SPATA2L: variants seen among roughly 807,000 people sequenced by gnomAD.
SPATA2L encodes the protein spermatogenesis-associated protein 2-like protein.
Under a neutral mutation model 8.7 loss-of-function variants are expected in SPATA2L, and 5 were observed. The ratio of observed to expected loss-of-function variants is 0.57; its 90% confidence interval spans 0.30 to 1.21. The LOEUF is 1.21. Ranked by LOEUF, SPATA2L falls within the 50% of genes most tolerant of loss-of-function variation. The pLI, the probability that SPATA2L is intolerant of heterozygous loss-of-function variation, is 0.07. For synonymous variants in SPATA2L, 358 were observed against 275.8 expected (o/e 1.30, Z -2.95); for missense variants, 671 against 591.0 (o/e 1.14, Z -1.40).
Position 89,696,571 on chromosome 16 carries a change from C to T in SPATA2L, c.*763G>A. On this transcript the variant is annotated 3_prime_UTR_variant, in exon 3 of 3. Coordinates refer to ENST00000289805, the MANE Select transcript of SPATA2L (RefSeq NM_152339.4). ...CACCTCCTCGCCAGCCTGTGGGCTG[C>T]ACCCACAGGGAATGGAGGGGAGGGG... The T allele has an allele frequency of 2.0e-6, 1 of 498,230 alleles. No individual in the cohort carries two copies. Among genetic ancestry groups the T allele is most frequent in the Non-Finnish European group, 3.5e-6 (1 of 281,832 alleles). 30.9% of individuals were successfully genotyped at this position (498,230 alleles called of 1,614,324 possible). A position where few individuals can be genotyped will look rare whatever the true frequency, so the allele number is the denominator to read the frequency against.
At position 89,697,711 on chromosome 16, in the gene SPATA2L, G is replaced by T. The variant is rs1183881115; in HGVS notation, c.898C>A (p.Leu300Met). The T allele has an allele frequency of 1.2e-6, 2 of 1,611,648 alleles. No individual in the cohort carries two copies. The highest frequency in any genetic ancestry group is 3.3e-5 in the Admixed American group (2 of 59,844). ...GAGAAGGCGGAAGGTTCAGGTTCCA[G>T]CCCCTCCTCCAAGGCCCCATATGGT... ...SPPYGALEEG[L>M]EPEPSAFSFL... The change falls in exon 3 of 3, where the codon CTG (leucine) becomes ATG (methionine). Residue 300 changes from leucine (L) to methionine (M), a missense_variant. Physicochemically the swap from Leu to Met is conservative, Grantham distance 15. Transcript: ENST00000289805.
At chr16:89,699,991 G>A (rs888139355) in intron 2 of SPATA2L, among the ~76,000 whole-genome samples, 2 of 152,220 alleles carry the variant, frequency 1.3e-5, no homozygotes, top group Non-Finnish European at 2.9e-5. Flanking sequence ...CGTGTGGAGC[G>A]CCCAGTGCCT....
intron 2 of SPATA2L, 73 bp downstream of exon 2, chr16:89,700,857 G>C (rs942048542): frequency 7.3e-7 from 1 of 1,371,232 alleles, no homozygotes; most frequent in Non-Finnish European, 9.5e-7. Context: ...GAAAGGCGTG[G>C]TCCCCCATGG....
In SPATA2L at chr16:89,697,366, G is replaced by C. The variant is rs1202448415; in HGVS notation, c.1243C>G (p.Leu415Val). The change falls in exon 3 of 3, where the codon CTG (leucine) becomes GTG (valine). Residue 415 changes from leucine to valine, a missense_variant. Leu to Val is a conservative substitution (Grantham distance 32, BLOSUM62 1). Transcript: ENST00000289805. ...CGGGCCCCGGGGCTGTTGTAGAGCA[G>C]AGTGTCCATCTGTGCACGCTGTAGC... The part of the protein sequence containing the change: ...LWLQRAQMDT[L>V]LYNSPGARP 1 of 1,552,676 alleles carries C rather than the reference G, an allele frequency of 6.4e-7. No homozygotes were observed. The highest frequency in any genetic ancestry group is 2.3e-5 in the East Asian group (1 of 44,012).
At position 89,701,200 on chromosome 16, in the gene SPATA2L, GCGGT is replaced by G; in HGVS notation, c.29_32del (p.Tyr10SerfsTer101). The G allele has an allele frequency of 6.8e-7, 1 of 1,465,176 alleles. No homozygotes were observed. The highest frequency in any genetic ancestry group is 9.0e-7 in the Non-Finnish European group (1 of 1,108,918). 90.8% of individuals were successfully genotyped at this position (1,465,176 alleles called of 1,614,324 possible). On this transcript the variant is annotated frameshift_variant, in exon 2 of 3. Transcript: ENST00000289805. LOFTEE classifies it high-confidence loss of function. ...GTCGCAGCTCGCGCTCCAGGCACTG[GCGGT>G]AGTCCTCGGACAGCGAGCTGCTGCC... is the stretch of plus-strand genomic sequence containing the variant.
In SPATA2L at chr16:89,697,185, C is replaced by T; in HGVS notation, c.*149G>A. The T allele has an allele frequency of 7.3e-7, 1 of 1,376,758 alleles. No homozygotes were observed. Among genetic ancestry groups the T allele is most frequent in the Middle Eastern group, 2.7e-4 (1 of 3,710 alleles). The allele number at this position is 1,376,758 out of a possible 1,614,324, so 85.3% of individuals were successfully genotyped here. A position where few individuals can be genotyped will look rare whatever the true frequency, so the allele number is the denominator to read the frequency against. On this transcript the variant is annotated 3_prime_UTR_variant, in exon 3 of 3. Coordinates refer to ENST00000289805, the MANE Select transcript of SPATA2L (RefSeq NM_152339.4). ...TTCCATATACAGAGAGTCCCACCTC[C>T]AGCAAGGGTTGGCCTGGACTCTCCA...
intron 2 of SPATA2L, 117 bp from the exon 3 acceptor site, chr16:89,698,422 A>C: frequency 9.3e-7 from 1 of 1,075,980 alleles, no homozygotes; most frequent in Non-Finnish European, 1.3e-6. Context: ...CTCAGACCCA[A>C]CCCCAGAGAC....
rs142560643 is a variant in SPATA2L, at chr16:89,698,257, C to T, written c.352G>A (p.Asp118Asn). The T allele has an allele frequency of 7.5e-6, 12 of 1,602,730 alleles. No homozygotes were observed. The African/African-American group carries it at 8.0e-5, about 11-fold the overall frequency. ...VHVLKGVLSD[D>N]LLLKSFQKMG... ...TTCTGGAAGCTCTTCAGGAGGAGGT[C>T]GTCTGAGAGCACACCCTTCAGCACG... Residue 118 changes from aspartate to asparagine, a missense_variant, in exon 3 of 3, where the codon GAC becomes AAC. Transcript: ENST00000289805.
In SPATA2L at chr16:89,697,240, G is replaced by T. The variant is rs759487462; in HGVS notation, c.*94C>A. 33 of 1,412,442 alleles carry T rather than the reference G, an allele frequency of 2.3e-5. No homozygotes were observed. The highest frequency in any genetic ancestry group is 5.9e-5 in the Admixed American group (2 of 33,942). The allele number at this position is 1,412,442 out of a possible 1,614,324, so 87.5% of individuals were successfully genotyped here. On this transcript the variant is annotated 3_prime_UTR_variant, in exon 3 of 3. Transcript: ENST00000289805. The stretch of plus-strand genomic sequence containing the variant: ...CCTGCTGTGCCCAGGACTCCCCCAG[G>T]GACAAGGCAACCAGAGGCCCAGACC...
Position 89,697,805 on chromosome 16 carries a change from G to T in SPATA2L, c.804C>A (p.Ala268=). The T allele has an allele frequency of 6.2e-7, 1 of 1,602,070 alleles. No individual in the cohort carries two copies. The stretch of plus-strand genomic sequence containing the variant: ...CCCGGCCCCCAGTGCCCCACAGTTT[G>T]GCACTCTGCTCCCAGAGTGGTGGCC... The part of the protein sequence containing the change: ...AYRPPLWEQS[A]KLWGTGGRAW... Residue 268 remains alanine (A), a synonymous_variant, in exon 3 of 3, where the codon GCC becomes GCA. Coordinates refer to ENST00000289805, the MANE Select transcript of SPATA2L (RefSeq NM_152339.4).
At position 89,701,068 on chromosome 16, in the gene SPATA2L, A is replaced by C. The variant is rs747184734; in HGVS notation, c.165T>G (p.Ala55=). The stretch of plus-strand genomic sequence containing the variant: ...GGCCCCACAGCCCGTCGGTGAGCAG[A>C]GCCAGCGCGTCGTCCTGCAGCGCCC... ...LHGALQDDAL[A]LLTDGLWGRA... is the part of the protein sequence containing the mutation. The change falls in exon 2 of 3, where the codon GCT becomes GCG. Residue 55 remains alanine (A), a synonymous_variant. Transcript: ENST00000289805. 4 of 1,573,814 alleles carry C rather than the reference A, an allele frequency of 2.5e-6. No homozygotes were observed. In the South Asian group the frequency reaches 4.6e-5, roughly 18 times the overall value.
chr16:89,701,065 C>T lies in SPATA2L; in HGVS notation c.168G>A (p.Leu56=). Residue 56 remains leucine, a synonymous_variant, in exon 2 of 3, where the codon CTG becomes CTA. Transcript: ENST00000289805. ...HGALQDDALA[L]LTDGLWGRAD... ...CGCGGCCCCACAGCCCGTCGGTGAG[C>T]AGAGCCAGCGCGTCGTCCTGCAGCG... 6.4e-7 allele frequency: 1 copy of T among 1,573,674 alleles called. No homozygotes were observed. Among genetic ancestry groups the T allele is most frequent in the Non-Finnish European group, 8.6e-7 (1 of 1,164,116 alleles).
chr16:89,700,090 A>G (rs1429545987), intron 2 of SPATA2L, among the ~76,000 whole-genome samples: 1 of 152,190 alleles, frequency 6.6e-6, no homozygotes, highest in African/African-American at 2.4e-5. Context: ...AAAGGGGCTG[A>G]CAGAGATTAG....
chr16:89,697,435 G>T lies in SPATA2L; in HGVS notation c.1174C>A (p.His392Asn), dbSNP rs1344569024. The change falls in exon 3 of 3, where the codon CAC becomes AAC. Residue 392 changes from histidine (H) to asparagine (N), a missense_variant. Physicochemically the swap from His to Asn is moderately conservative, Grantham distance 68. Transcript: ENST00000289805. ...CAALPACRPGHSLRVLLGDAQ... is the reference protein window; with the variant it reads ...CAALPACRPGNSLRVLLGDAQ... ...TCGCCAAGCAGCACACGCAGCGAGT[G>T]GCCTGGACGGCAGGCGGGCAGGGCT... 6.2e-7 allele frequency: 1 copy of T among 1,606,416 alleles called. No homozygotes were observed. The highest frequency in any genetic ancestry group is 2.2e-5 in the East Asian group (1 of 44,738).
chr16:89,701,405 C>T (rs2060775076), intron 1 of SPATA2L, 172 bp from the exon 2 acceptor site: 1 of 566,926 alleles, frequency 1.8e-6, no homozygotes, highest in Non-Finnish European at 2.8e-6. Context: ...AGACCTCGGC[C>T]CCATCAGCTG....
rs375838572 is a variant in SPATA2L, at chr16:89,698,272, C to A, written c.337G>T (p.Gly113Cys). Residue 113 changes from glycine (G) to cysteine (C), a missense_variant, in exon 3 of 3, where the codon GGT becomes TGT. Gly to Cys is a radical substitution (Grantham distance 159). Transcript: ENST00000289805. ...FSGGYVHVLK[G>C]VLSDDLLLKS... is the part of the protein sequence containing the mutation. ...AGGAGGAGGTCGTCTGAGAGCACACCCTTCAGCACGTGCACGTAGCCCCCA... is the reference window on the plus strand; with the variant it reads ...AGGAGGAGGTCGTCTGAGAGCACACACTTCAGCACGTGCACGTAGCCCCCA... 1.3e-6 allele frequency: 2 copies of A among 1,590,914 alleles called. No individual in the cohort carries two copies. Among genetic ancestry groups the A allele is most frequent in the Admixed American group, 1.7e-5 (1 of 57,908 alleles).
chr16:89,696,826 G>A lies in SPATA2L; in HGVS notation c.*508C>T, dbSNP rs1051820581. Reference sequence around the variant, plus strand: ...CGGCGTCCCCGAAGCCAGGTCAGCCGTGCACCCGGCAGAGCCCCGCAGATT... The same window carrying A: ...CGGCGTCCCCGAAGCCAGGTCAGCCATGCACCCGGCAGAGCCCCGCAGATT... On this transcript the variant is annotated 3_prime_UTR_variant, in exon 3 of 3. Transcript: ENST00000289805. 2.9e-5 allele frequency: 44 copies of A among 1,534,924 alleles called. No individual in the cohort carries two copies. Among genetic ancestry groups the A allele is most frequent in the Admixed American group, 1.2e-4 (6 of 50,892 alleles).
chr16:89,697,864 C>T lies in SPATA2L; in HGVS notation c.745G>A (p.Gly249Ser), dbSNP rs776250306. 7 of 1,611,442 alleles carry T rather than the reference C, an allele frequency of 4.3e-6. No homozygotes were observed. The East Asian group carries it at 8.9e-5, about 21-fold the overall frequency. Residue 249 changes from glycine (G) to serine (S), a missense_variant, in exon 3 of 3, where the codon GGC becomes AGC. Transcript: ENST00000289805. ...DASLYGEPSP[G>S]PDSPPAELAY... ...AGCTCCGCCGGGGGCGAGTCAGGGC[C>T]TGGTGACGGCTCCCCATACAGGCTG...
Position 89,697,397 on chromosome 16 carries a change from G to C in SPATA2L, c.1212C>G (p.Arg404=). 1 of 1,596,558 alleles carries C rather than the reference G, an allele frequency of 6.3e-7. No individual in the cohort carries two copies. The highest frequency in any genetic ancestry group is 1.1e-5 in the South Asian group (1 of 89,204). Residue 404 remains arginine (R), a synonymous_variant, in exon 3 of 3, where the codon CGC becomes CGG. Coordinates refer to ENST00000289805, the MANE Select transcript of SPATA2L (RefSeq NM_152339.4). Reference sequence around the variant, plus strand: ...CCATCTGTGCACGCTGTAGCCACAAGCGCCGCTGGGCGTCGCCAAGCAGCA... The same window carrying C: ...CCATCTGTGCACGCTGTAGCCACAACCGCCGCTGGGCGTCGCCAAGCAGCA... ...LRVLLGDAQR[R]LWLQRAQMDT...
Sources: allele counts gnomAD v4.1 joint callset (sites outside exome capture counted in the v4.1 genomes callset), GRCh38; gene constraint gnomAD v4.1.1; transcripts MANE v1.5; gene names NCBI Gene and HGNC (gene_info 2026-07-23, HGNC 2026-07-21).